PIK3C2G: variants seen among roughly 807,000 people sequenced by gnomAD.
PIK3C2G encodes phosphatidylinositol 3-kinase C2 domain-containing subunit gamma.
PIK3C2G carries 168 observed loss-of-function variants against 181.1 expected under a neutral mutation model. The ratio of observed to expected loss-of-function variants is 0.93; its 90% CI spans 0.82 to 1.05. PIK3C2G has a LOEUF of 1.05. Ranked by LOEUF, PIK3C2G falls within the 50% of genes least tolerant of loss-of-function variation. The pLI, the probability that PIK3C2G is intolerant of heterozygous loss-of-function variation, is 0.00. For synonymous variants in PIK3C2G, 573 were observed against 592.2 expected (o/e 0.97, Z 0.47); for missense variants, 1,869 against 1,732.8 (o/e 1.08, Z -1.40).
rs1314349670 is a variant in PIK3C2G, at chr12:18,282,031, C to G, written c.-51C>G. 1 of 1,017,860 alleles carries G rather than the reference C, an allele frequency of 9.8e-7. No homozygotes were observed. Among genetic ancestry groups the G allele is most frequent in the Non-Finnish European group, 1.4e-6 (1 of 691,914 alleles). The allele number at this position is 1,017,860 out of a possible 1,614,324, so 63.1% of individuals were successfully genotyped here. On this transcript the variant is annotated 5_prime_UTR_variant, in exon 2 of 33. It adds an upstream start codon to the 5' untranslated region. Transcript: ENST00000538779. ...AAATTTCTATCTTCTTTTGTATTATCAAGGAGATATTTGGAGCAGAGTCAA... is the reference window on the plus strand; with the variant it reads ...AAATTTCTATCTTCTTTTGTATTATGAAGGAGATATTTGGAGCAGAGTCAA...
rs577729300 is a variant in PIK3C2G, at chr12:18,629,431, T to A, written c.4183-10998T>A. Among the ~76,000 whole-genome samples, 43 of 152,020 alleles carry A rather than the reference T, an allele frequency of 2.8e-4. No homozygotes were observed. The South Asian group carries it at 7.9e-3, about 28-fold the overall frequency. On this transcript the variant is annotated intron_variant, in intron 31 of 32. Coordinates refer to ENST00000538779, the MANE Select transcript of PIK3C2G (RefSeq NM_001288772.2). ...GTTAAGGTGGAGAAACCCGGAGAGG[T>A]GATGAGGCATATCACAGAGGAGTAA...
intron 30 of PIK3C2G, among the ~76,000 whole-genome samples, chr12:18,597,142 G>A (rs940410170): frequency 6.6e-6 from 1 of 151,550 alleles, no homozygotes; most frequent in Non-Finnish European, 1.5e-5. Context: ...AAGAAATCAA[G>A]CAATAAAAAA....
chr12:18,661,838 A>T, the PIK3C2G span, among the ~76,000 whole-genome samples: 1 of 152,160 alleles, frequency 6.6e-6, no homozygotes, highest in African/African-American at 2.4e-5. Flanking sequence ...AAATATTCAC[A>T]ATAGCAAAGA....
chr12:18,385,689 C>G (rs1011295093), intron 14 of PIK3C2G, among the ~76,000 whole-genome samples: 1 of 152,102 alleles, frequency 6.6e-6, no homozygotes, highest in Non-Finnish European at 1.5e-5. Context: ...CTGCCTCAGC[C>G]TCCCAAGTAG....
chr12:18,654,294 T>TAAAA, the PIK3C2G span, among the ~76,000 whole-genome samples: 35 of 142,714 alleles, frequency 2.5e-4, no homozygotes, highest in South Asian at 6.6e-4. Flanking sequence ...CACTAGTACC[T>TAAAA]AAAAAAAAAA....
At chr12:18,693,064 G>T in the PIK3C2G span, 181 of 1,490,978 alleles carry the variant, frequency 1.2e-4, no homozygotes, top group Non-Finnish European at 1.7e-4. Flanking sequence ...GAAGGGAAAA[G>T]ATCAAAAGTG....
chr12:18,325,706 CAAA>C (rs34711642), intron 8 of PIK3C2G, among the ~76,000 whole-genome samples: 2 of 61,604 alleles, frequency 3.2e-5, no homozygotes, highest in African/African-American at 5.5e-5. Flanking sequence ...GACTCAGTCT[CAAA>C]AAAAAAAAAA....
intron 16 of PIK3C2G, among the ~76,000 whole-genome samples, chr12:18,413,567 C>G (rs1019952580): frequency 6.6e-6 from 1 of 151,826 alleles, no homozygotes; most frequent in African/African-American, 2.4e-5. Context: ...TTGTAATAAT[C>G]CATTTTATGA....
In PIK3C2G at chr12:18,325,102, T is replaced by C. The variant is rs759572739; in HGVS notation, c.1272+4T>C. On this transcript the variant is annotated splice_donor_region_variant and intron_variant, in intron 8 of 32. Transcript: ENST00000538779. The stretch of plus-strand genomic sequence containing the variant: ...GAAATACCTATTGAAAACCCAGGTA[T>C]TGACTTTTGTTACTTTATCCATCAA... 35 of 1,513,014 alleles carry C rather than the reference T, an allele frequency of 2.3e-5. No individual in the cohort carries two copies. In the South Asian group the frequency reaches 3.5e-4, roughly 15 times the overall value. 93.7% of individuals were successfully genotyped at this position (1,513,014 alleles called of 1,614,324 possible). A position where few individuals can be genotyped will look rare whatever the true frequency, so the allele number is the denominator to read the frequency against.
At chr12:18,325,960 G>A (rs1276352966) in intron 8 of PIK3C2G, among the ~76,000 whole-genome samples, 1 of 152,144 alleles carries the variant, frequency 6.6e-6, no homozygotes, top group African/African-American at 2.4e-5. Context: ...ATGACTGATG[G>A]ATGATTAGAA....
intron 2 of PIK3C2G, among the ~76,000 whole-genome samples, 170 bp from the exon 3 acceptor site, chr12:18,286,677 A>G (rs893415049): frequency 6.6e-6 from 1 of 152,130 alleles, no homozygotes. Context: ...CAAATTATAT[A>G]CTTAAGATCT....
the PIK3C2G span, among the ~76,000 whole-genome samples, chr12:18,717,373 T>C: frequency 6.6e-6 from 1 of 152,178 alleles, no homozygotes. Flanking sequence ...GATTTGAAAT[T>C]AGAGAAGCAG....
intron 24 of PIK3C2G, among the ~76,000 whole-genome samples, chr12:18,509,203 G>A (rs890903953): frequency 9.2e-5 from 14 of 151,972 alleles, no homozygotes; most frequent in South Asian, 2.1e-4. Context: ...ATGCCACCAC[G>A]CCTGGCTAAT....
At chr12:18,386,927 C>T (rs1361326931) in intron 14 of PIK3C2G, among the ~76,000 whole-genome samples, 1 of 152,128 alleles carries the variant, frequency 6.6e-6, no homozygotes. Context: ...CTAGTTCAGA[C>T]TTCTTCACAC....
At chr12:18,276,305 T>C (rs2137085025) in intron 1 of PIK3C2G, among the ~76,000 whole-genome samples, 1 of 152,264 alleles carries the variant, frequency 6.6e-6, no homozygotes, top group East Asian at 1.9e-4. Flanking sequence ...TACCCCAAAG[T>C]TGTTATGTGA....
intron 31 of PIK3C2G, among the ~76,000 whole-genome samples, chr12:18,616,123 A>T (rs1209557564): frequency 1.3e-5 from 2 of 151,898 alleles, no homozygotes; most frequent in African/African-American, 4.8e-5. Flanking sequence ...CTCCTGGGTC[A>T]CTCCTGCTCC....
At chr12:18,544,400 C>T (rs559100895) in intron 25 of PIK3C2G, among the ~76,000 whole-genome samples, 1 of 151,626 alleles carries the variant, frequency 6.6e-6, no homozygotes, top group African/African-American at 2.4e-5. Flanking sequence ...GGATCTTAGG[C>T]AGATAACAGA....
At chr12:18,398,962 G>A (rs1362835472) in intron 15 of PIK3C2G, among the ~76,000 whole-genome samples, 4 of 152,092 alleles carry the variant, frequency 2.6e-5, no homozygotes, top group South Asian at 4.1e-4. Context: ...TTGGGAGGCC[G>A]AGGCGGGCGG....
At position 18,617,024 on chromosome 12, in the gene PIK3C2G, T is replaced by G. The variant is rs572238653; in HGVS notation, c.4182+7395T>G. 3.9e-5 allele frequency among the ~76,000 whole-genome samples: 6 copies of G among 152,244 alleles called. No homozygotes were observed. In the South Asian group the frequency reaches 1.2e-3, roughly 32 times the overall value. Reference sequence around the variant, plus strand: ...AATTAAAACTCTAATCTAATGCAGATAAGGCCTTCATTTTGCCAAAAACAT... The same window carrying G: ...AATTAAAACTCTAATCTAATGCAGAGAAGGCCTTCATTTTGCCAAAAACAT... On this transcript the variant is annotated intron_variant, in intron 31 of 32. Coordinates refer to ENST00000538779, the MANE Select transcript of PIK3C2G (RefSeq NM_001288772.2).
Sources: allele counts gnomAD v4.1 joint callset (sites outside exome capture counted in the v4.1 genomes callset), GRCh38; gene constraint gnomAD v4.1.1; transcripts MANE v1.5; gene names NCBI Gene and HGNC (gene_info 2026-07-23, HGNC 2026-07-21).